The following KIF13A variants were observed in gnomAD, a reference collection of about 807,000 sequenced individuals.
KIF13A encodes the protein kinesin-like protein KIF13A.
Under a neutral mutation model 212.2 loss-of-function variants are expected in KIF13A, and 79 were observed. The observed-to-expected ratio is 0.37, with a 90% confidence interval of 0.31 to 0.45. The LOEUF (loss-of-function observed/expected upper bound fraction) is 0.45. Ranked by LOEUF, KIF13A falls within the 20% of genes least tolerant of loss-of-function variation. KIF13A has a pLI of 1.00. For missense variants in KIF13A, 1,901 were observed against 2,209.0 expected (o/e 0.86, Z 2.79); for synonymous variants, 789 against 808.6 (o/e 0.98, Z 0.41).
At position 17,919,565 on chromosome 6, in the gene KIF13A, T is replaced by C. The variant is rs1031463987; in HGVS notation, c.147-21385A>G. 2.6e-5 allele frequency among the ~76,000 whole-genome samples: 4 copies of C among 152,178 alleles called. No homozygotes were observed. Among genetic ancestry groups the C allele is most frequent in the Non-Finnish European group, 5.9e-5 (4 of 68,020 alleles). ...AAGCTGTGAGTATCAAAAATAGATG[T>C]TCTACAGCCCCAAGGGGTCAGCCAT... On this transcript the variant is annotated intron_variant, in intron 2 of 38. Transcript: ENST00000259711. This position sits in a 1 kb window ranked among gnomAD's most constrained non-coding sequence, Gnocchi z 4.1.
chr6:17,867,376 T>A (rs1026452204), intron 4 of KIF13A, among the ~76,000 whole-genome samples: 2 of 152,218 alleles, frequency 1.3e-5, no homozygotes, highest in African/African-American at 2.4e-5. Context: ...ATGGCATGCA[T>A]CATTTATAAT....
At position 17,918,813 on chromosome 6, in the gene KIF13A, G is replaced by A. The variant is rs912841658; in HGVS notation, c.147-20633C>T. ...CTCCATCCCACCTGCATCCTGCTTGGCCCTGTCACTCAGTCTCCTATCACT... is the reference window on the plus strand; with the variant it reads ...CTCCATCCCACCTGCATCCTGCTTGACCCTGTCACTCAGTCTCCTATCACT... On this transcript the variant is annotated intron_variant, in intron 2 of 38. Transcript: ENST00000259711. The surrounding 1 kb of genome is among the most constrained non-coding windows in gnomAD (Gnocchi z 4.8). Among the ~76,000 whole-genome samples, 4 of 152,036 alleles carry A rather than the reference G, an allele frequency of 2.6e-5. No homozygotes were observed. Among genetic ancestry groups the A allele is most frequent in the African/African-American group, 9.7e-5 (4 of 41,390 alleles).
At chr6:17,877,084 A>G (rs1770629400) in intron 3 of KIF13A, among the ~76,000 whole-genome samples, 1 of 139,660 alleles carries the variant, frequency 7.2e-6, no homozygotes, top group East Asian at 2.2e-4. Context: ...GCAGGGAAAC[A>G]GGCATTTTTT....
chr6:17,825,796 T>C lies in KIF13A; in HGVS notation c.1758A>G (p.Glu586=). Residue 586 remains glutamate (E), a synonymous_variant, in exon 16 of 39, where the codon GAA becomes GAG. Coordinates refer to ENST00000259711, the MANE Select transcript of KIF13A (RefSeq NM_022113.6). This position sits in a 1 kb window ranked among gnomAD's most constrained non-coding sequence, Gnocchi z 4.5. ...PDYNYEFAQM[E]VIMKTLNSND... Reference sequence around the variant, plus strand: ...TACTATTCAGGGTTTTCATGATAACTTCCATCTGTGCAAATTCATAGTTAT... The same window carrying C: ...TACTATTCAGGGTTTTCATGATAACCTCCATCTGTGCAAATTCATAGTTAT... 6.2e-7 allele frequency: 1 copy of C among 1,613,908 alleles called. No individual in the cohort carries two copies. The highest frequency in any genetic ancestry group is 8.5e-7 in the Non-Finnish European group (1 of 1,179,872).
In KIF13A at chr6:17,804,409, A is replaced by G; in HGVS notation, c.2406T>C (p.Cys802=). The change falls in exon 20 of 39, where the codon TGT becomes TGC. Residue 802 remains cysteine (C), a synonymous_variant. Coordinates refer to ENST00000259711, the MANE Select transcript of KIF13A (RefSeq NM_022113.6). The part of the protein sequence containing the change: ...VANVFLECLF[C]DVKLQYAVPI... ...GGACTGCATACTGAAGTTTCACATC[A>G]CAGAAGAGGCATTCCAAGAATACAT... The G allele has an allele frequency of 1.3e-6, 2 of 1,557,430 alleles. No individual in the cohort carries two copies. The highest frequency in any genetic ancestry group is 8.7e-7 in the Non-Finnish European group (1 of 1,149,798).
In KIF13A at chr6:17,787,473, T is replaced by C. The variant is rs949241585; in HGVS notation, c.3361+303A>G. Among the ~76,000 whole-genome samples the C allele has an allele frequency of 1.3e-5, 2 of 152,080 alleles. No individual in the cohort carries two copies. Among genetic ancestry groups the C allele is most frequent in the Non-Finnish European group, 2.9e-5 (2 of 68,020 alleles). On this transcript the variant is annotated intron_variant, in intron 27 of 38. Transcript: ENST00000259711. The surrounding 1 kb of genome is among the most constrained non-coding windows in gnomAD (Gnocchi z 4.6). ...TTTGAGACCAGCCTGGGCAACAAAGTGAGACCCCATCTACAAAACATTTAA... is the reference window on the plus strand; with the variant it reads ...TTTGAGACCAGCCTGGGCAACAAAGCGAGACCCCATCTACAAAACATTTAA...
At chr6:17,950,750 A>C in intron 2 of KIF13A, 1 of 981,618 alleles carries the variant, frequency 1.0e-6, no homozygotes, top group Non-Finnish European at 1.2e-6. Flanking sequence ...AGATACTTAG[A>C]AATAACCCTT....
rs749422448 is a variant in KIF13A, at chr6:17,780,794, C to T, written c.3782G>A (p.Ser1261Asn). The T allele has an allele frequency of 8.7e-6, 14 of 1,613,870 alleles. No individual in the cohort carries two copies. The highest frequency in any genetic ancestry group is 3.3e-5 in the Admixed American group (2 of 60,002). The change falls in exon 31 of 39, where the codon AGC becomes AAC. Residue 1261 changes from serine to asparagine, a missense_variant. By Grantham distance (46) the Ser-to-Asn change is conservative. Coordinates refer to ENST00000259711, the MANE Select transcript of KIF13A (RefSeq NM_022113.6). ...YLIVKTTVQL[S>N]HPAAMELVLR... The stretch of plus-strand genomic sequence containing the variant: ...TACTAACTCCATAGCAGCAGGGTGG[C>T]TGAGTTGAACTGTGGTTTTCACAAT...
At chr6:17,929,916 A>C (rs955008607) in intron 2 of KIF13A, among the ~76,000 whole-genome samples, 3 of 152,208 alleles carry the variant, frequency 2.0e-5, no homozygotes, top group Non-Finnish European at 4.4e-5. Context: ...AGTCTTCATG[A>C]TGGCACTAAT....
intron 17 of KIF13A, among the ~76,000 whole-genome samples, chr6:17,814,000 T>G (rs1763680379): frequency 7.1e-6 from 1 of 140,812 alleles, no homozygotes; most frequent in Non-Finnish European, 1.5e-5. Context: ...TTGCCCAGGC[T>G]GGAGTGCAGT....
intron 25 of KIF13A, among the ~76,000 whole-genome samples, chr6:17,793,290 C>T (rs1761749360): frequency 6.6e-6 from 1 of 151,976 alleles, no homozygotes; most frequent in Non-Finnish European, 1.5e-5. Context: ...CCATGTTGGT[C>T]AGGCTGGTCT....
Position 17,948,982 on chromosome 6 carries a change from T to C in KIF13A, c.146+38072A>G, listed in dbSNP as rs986832313. ...CTAATAAATACTTTTCGACTAACAATAAACAGTCTTTTGCCTTTCTTACAT... is the reference window on the plus strand; with the variant it reads ...CTAATAAATACTTTTCGACTAACAACAAACAGTCTTTTGCCTTTCTTACAT... On this transcript the variant is annotated intron_variant, in intron 2 of 38. Transcript: ENST00000259711. Among the ~76,000 whole-genome samples the C allele has an allele frequency of 2.0e-5, 3 of 152,090 alleles. No homozygotes were observed. In the East Asian group the frequency reaches 5.8e-4, roughly 29 times the overall value.
intron 11 of KIF13A, among the ~76,000 whole-genome samples, chr6:17,835,195 CAAAAAAAAAAAAAAAAAAAAAAAAAAAA>C (rs61697144): frequency 0.022 from 999 of 45,974 alleles, 33 homozygotes; most frequent in African/African-American, 0.064. Flanking sequence ...CCGCCCCCGC[CAAAAAAAAAAAAAAAAAAAAAAAAAAAA>C]AAAAAAAAAA....
Position 17,817,068 on chromosome 6 carries a change from T to C in KIF13A, c.1952A>G (p.Tyr651Cys), listed in dbSNP as rs772348284. 5.6e-6 allele frequency: 9 copies of C among 1,613,514 alleles called. No homozygotes were observed. The highest frequency in any genetic ancestry group is 4.5e-5 in the East Asian group (2 of 44,898). The change falls in exon 17 of 39, where the codon TAC becomes TGC. Residue 651 changes from tyrosine to cysteine, a missense_variant. Around this residue, in one of 5 missense-constraint regions of KIF13A, gnomAD observed 534 missense variants for 536.9 expected, o/e 0.99. Transcript: ENST00000259711. ...PQSSGPDRLA[Y>C]SSQTAQQKVT... The stretch of plus-strand genomic sequence containing the variant: ...CTTCTGCTGCGCTGTCTGGCTGCTG[T>C]AGGCCAGGCGGTCAGGGCCGCTACT...
intron 3 of KIF13A, among the ~76,000 whole-genome samples, chr6:17,887,214 G>C (rs1423995781): frequency 1.3e-5 from 2 of 152,174 alleles, no homozygotes; most frequent in African/African-American, 2.4e-5. Context: ...GCAAGTCCCA[G>C]ATAGGGGTTG....
chr6:17,864,582 C>T (rs1425041806), intron 4 of KIF13A, among the ~76,000 whole-genome samples: 2 of 152,176 alleles, frequency 1.3e-5, no homozygotes, highest in African/African-American at 4.8e-5. Context: ...TCTAACTCCT[C>T]GAGGTTCAAG....
At chr6:17,869,038 T>G (rs1258967331) in intron 4 of KIF13A, among the ~76,000 whole-genome samples, 2 of 86,616 alleles carry the variant, frequency 2.3e-5, no homozygotes, top group Non-Finnish European at 2.6e-5. Context: ...AAATAAAATG[T>G]AAAATACCTC....
intron 4 of KIF13A, among the ~76,000 whole-genome samples, chr6:17,862,076 C>T (rs1023626203): frequency 6.6e-6 from 1 of 152,072 alleles, no homozygotes; most frequent in Non-Finnish European, 1.5e-5. Flanking sequence ...AGTGTGGTGG[C>T]GGGATCACAG....
Position 17,773,824 on chromosome 6 carries a change from T to C in KIF13A, c.4219-241A>G, listed in dbSNP as rs1759705775. ...TATATTTGCTCAAGTTTAATAAAAT[T>C]ATTACAAATGTAGTGTGATCTTTTG... On this transcript the variant is annotated intron_variant, in intron 35 of 38. Coordinates refer to ENST00000259711, the MANE Select transcript of KIF13A (RefSeq NM_022113.6). This position sits in a 1 kb window ranked among gnomAD's most constrained non-coding sequence, Gnocchi z 4.2. Among the ~76,000 whole-genome samples the C allele has an allele frequency of 6.6e-6, 1 of 152,220 alleles. No individual in the cohort carries two copies. Among genetic ancestry groups the C allele is most frequent in the Admixed American group, 6.5e-5 (1 of 15,280 alleles).
Sources: gnomAD v4.1 joint callset for allele counts (sites outside exome capture counted in the v4.1 genomes callset) on GRCh38, gnomAD v4.1.1 for gene constraint, gnomAD v4.1.1 regional missense constraint, Gnocchi (gnomAD v3.1) non-coding constraint, MANE v1.5 for transcripts, NCBI Gene and HGNC (gene_info 2026-07-23, HGNC 2026-07-21) for gene names.